Variants in CLIP1 observed in about 807,000 individuals in gnomAD.
CLIP1 encodes CAP-Gly domain-containing linker protein 1.
In CLIP1, 66 loss-of-function variants were observed where a neutral mutation model predicts 161.6. The ratio of observed to expected loss-of-function variants is 0.41; its 90% CI spans 0.33 to 0.50. The LOEUF is 0.50. CLIP1 is among the 20% of genes least tolerant of loss of function. CLIP1 has a pLI of 0.27. For missense variants in CLIP1, 1,376 were observed against 1,702.0 expected, an observed-to-expected ratio of 0.81 and a Z score of 3.37; for synonymous variants, 598 against 626.2, an observed-to-expected ratio of 0.96 and a Z score of 0.67.
intron 17 of CLIP1, among the ~76,000 whole-genome samples, chr12:122,326,392 G>A (rs1049282302): frequency 3.9e-5 from 6 of 152,138 alleles, no homozygotes; most frequent in Non-Finnish European, 8.8e-5. Flanking sequence ...AGCGCCTTGT[G>A]AGACTGGCCA....
intron 1 of CLIP1, among the ~76,000 whole-genome samples, chr12:122,419,192 GA>G (rs1956851930): frequency 6.6e-6 from 1 of 151,986 alleles, no homozygotes; most frequent in Non-Finnish European, 1.5e-5. Flanking sequence ...CCAACATGGT[GA>G]AACCCCAGCT....
chr12:122,339,551 G>A (rs1176246706), intron 11 of CLIP1, among the ~76,000 whole-genome samples: 1 of 152,056 alleles, frequency 6.6e-6, no homozygotes, highest in African/African-American at 2.4e-5. Context: ...TCAAACTCCT[G>A]ACCTCAACTG....
At chr12:122,421,777 T>C (rs1462960964) in intron 1 of CLIP1, among the ~76,000 whole-genome samples, 1 of 152,186 alleles carries the variant, frequency 6.6e-6, no homozygotes, top group African/African-American at 2.4e-5. Flanking sequence ...AACCCGATTT[T>C]TGAAAGGCAG....
chr12:122,299,616 A>AAAACAAAC (rs1281326964), intron 20 of CLIP1, among the ~76,000 whole-genome samples: 3 of 143,810 alleles, frequency 2.1e-5, no homozygotes, highest in African/African-American at 8.1e-5. Context: ...ATTCAGCAAA[A>AAAACAAAC]AAAAAAAAAA....
intron 5 of CLIP1, among the ~76,000 whole-genome samples, chr12:122,356,641 C>G (rs1022088120): frequency 6.6e-6 from 1 of 151,996 alleles, no homozygotes; most frequent in Admixed American, 6.6e-5. Context: ...TCCCTCTCCC[C>G]ACGGTCTCCC....
chr12:122,320,851 A>T (rs1318068428), intron 17 of CLIP1, among the ~76,000 whole-genome samples: 1 of 151,218 alleles, frequency 6.6e-6, no homozygotes, highest in East Asian at 2.0e-4. Context: ...CTGGAACTAC[A>T]GGCCCACATC....
intron 15 of CLIP1, among the ~76,000 whole-genome samples, chr12:122,331,623 C>T (rs2136268533): frequency 1.3e-5 from 2 of 151,926 alleles, no homozygotes; most frequent in Admixed American, 1.3e-4. Flanking sequence ...GCTAAACTCA[C>T]TTCGTAGGAT....
At chr12:122,309,985 C>T (rs185447873) in intron 19 of CLIP1, 103 bp from the exon 20 acceptor site, 10 of 1,292,038 alleles carry the variant, frequency 7.7e-6, no homozygotes, top group South Asian at 2.6e-5. Flanking sequence ...ATCTGGGTCA[C>T]GTGCCTGATA....
chr12:122,392,576 G>A (rs1029987611), intron 1 of CLIP1, among the ~76,000 whole-genome samples: 1 of 151,948 alleles, frequency 6.6e-6, no homozygotes, highest in African/African-American at 2.4e-5. Flanking sequence ...AAGCACAGAG[G>A]GCAGTCACTG....
chr12:122,283,789 G>C (rs983444786), intron 21 of CLIP1, among the ~76,000 whole-genome samples: 6 of 152,002 alleles, frequency 3.9e-5, no homozygotes, highest in African/African-American at 1.4e-4. Context: ...CCTACAGTTG[G>C]GAGTAAGTTC....
chr12:122,368,017 A>G lies in CLIP1; in HGVS notation c.658-3910T>C, dbSNP rs866226311. On this transcript the variant is annotated intron_variant, in intron 3 of 25. Coordinates refer to ENST00000620786, the MANE Select transcript of CLIP1 (RefSeq NM_001247997.2). ...AAACTAAAAGATAGATTCCCATGGC[A>G]AACACAAACAAGCCCAATTCGTTCT... 2.0e-5 allele frequency among the ~76,000 whole-genome samples: 3 copies of G among 152,276 alleles called. No individual in the cohort carries two copies. In the Middle Eastern group the frequency reaches 0.01, roughly 518 times the overall value.
chr12:122,300,610 G>T (rs1950643506), intron 20 of CLIP1, among the ~76,000 whole-genome samples: 1 of 152,042 alleles, frequency 6.6e-6, no homozygotes. Flanking sequence ...TGTCACCCAG[G>T]CTGGAGTGCA....
intron 1 of CLIP1, among the ~76,000 whole-genome samples, chr12:122,384,312 T>G (rs1955139590): frequency 6.6e-6 from 1 of 152,156 alleles, no homozygotes; most frequent in Non-Finnish European, 1.5e-5. Context: ...GACCTACATA[T>G]GTATGGCATC....
At position 122,341,122 on chromosome 12, in the gene CLIP1, G is replaced by A. The variant is rs1248750675; in HGVS notation, c.2082C>T (p.Ala694=). The change falls in exon 11 of 26, where the codon GCC becomes GCT. Residue 694 remains alanine (A), a synonymous_variant. Transcript: ENST00000620786. ...ERAAHAKEME[A]LRAKLMKVIK... ...TAACTTTCATCAGTTTAGCCCTCAA[G>A]GCTTCCATCTCTTTAGCATGGGCAG... 6.2e-7 allele frequency: 1 copy of A among 1,613,958 alleles called. No individual in the cohort carries two copies. Among genetic ancestry groups the A allele is most frequent in the Non-Finnish European group, 8.5e-7 (1 of 1,180,032 alleles).
At chr12:122,305,790 G>A (rs1459660255) in intron 20 of CLIP1, among the ~76,000 whole-genome samples, 1 of 152,010 alleles carries the variant, frequency 6.6e-6, no homozygotes, top group Non-Finnish European at 1.5e-5. Flanking sequence ...TCAGATGGCT[G>A]AGCGCAGTGG....
chr12:122,329,643 A>T (rs1951858231), intron 15 of CLIP1, among the ~76,000 whole-genome samples: 1 of 148,642 alleles, frequency 6.7e-6, no homozygotes, highest in South Asian at 2.1e-4. Flanking sequence ...AAAAAAAATT[A>T]ATTAATTAAC....
intron 1 of CLIP1, chr12:122,396,699 G>T (rs1955921031): frequency 6.6e-6 from 1 of 152,054 alleles, no homozygotes. Context: ...GCCAAGCCAG[G>T]ATGGAAGTGA....
At chr12:122,348,138 A>C (rs147093337) in intron 9 of CLIP1, among the ~76,000 whole-genome samples, 1 of 152,256 alleles carries the variant, frequency 6.6e-6, no homozygotes, top group Non-Finnish European at 1.5e-5. Context: ...GAAGGGTCTG[A>C]GTTAAGAGTC....
intron 3 of CLIP1, among the ~76,000 whole-genome samples, chr12:122,375,087 A>C (rs1954652457): frequency 6.6e-6 from 1 of 152,256 alleles, no homozygotes; most frequent in Admixed American, 6.5e-5. Flanking sequence ...CAAAGTTGTT[A>C]AATATCTCAC....
Sources: gnomAD v4.1 joint callset for allele counts (sites outside exome capture counted in the v4.1 genomes callset) on GRCh38, gnomAD v4.1.1 for gene constraint, MANE v1.5 for transcripts, NCBI Gene and HGNC (gene_info 2026-07-23, HGNC 2026-07-21) for gene names.